Variants in GPC5 observed in about 807,000 individuals in gnomAD.
The protein encoded by GPC5 is glypican-5.
A neutral mutation model predicts 53.9 loss-of-function variants in GPC5; 47 were observed. The observed-to-expected ratio is 0.87, with a 90% confidence interval of 0.69 to 1.11. The LOEUF is 1.11. Among genes scored for constraint, GPC5 ranks in the 50% most tolerant of loss-of-function variants. The pLI, the probability that GPC5 is intolerant of heterozygous loss-of-function variation, is 0.00. For synonymous variants in GPC5, 286 were observed against 263.3 expected, an observed-to-expected ratio of 1.09 and a Z score of -0.84; for missense variants, 748 against 713.1, an observed-to-expected ratio of 1.05 and a Z score of -0.56.
chr13:92,204,445 A>G (rs1480572025), intron 7 of GPC5, among the ~76,000 whole-genome samples: 1 of 152,210 alleles, frequency 6.6e-6, no homozygotes, highest in Non-Finnish European at 1.5e-5. Context: ...CCAAAGTTTG[A>G]TGGTACAGTC....
intron 5 of GPC5, among the ~76,000 whole-genome samples, chr13:91,791,813 T>C (rs1054173988): frequency 6.6e-6 from 1 of 152,176 alleles, no homozygotes; most frequent in African/African-American, 2.4e-5. Flanking sequence ...GATCTGAATA[T>C]GGTTACTCAG....
chr13:92,429,470 C>T (rs561714339), intron 7 of GPC5, among the ~76,000 whole-genome samples: 2 of 151,690 alleles, frequency 1.3e-5, no homozygotes, highest in East Asian at 1.9e-4. Flanking sequence ...TAATATTTCT[C>T]TACATAATAC....
chr13:92,704,627 C>G (rs1207583652), intron 7 of GPC5, among the ~76,000 whole-genome samples: 1 of 151,666 alleles, frequency 6.6e-6, no homozygotes. Context: ...AAATGATGAC[C>G]TATTGGTTAT....
intron 3 of GPC5, among the ~76,000 whole-genome samples, chr13:91,713,378 A>G (rs2036270044): frequency 6.7e-6 from 1 of 148,806 alleles, no homozygotes; most frequent in Non-Finnish European, 1.5e-5. Context: ...TGGCAGGATG[A>G]TGATAGTAAC....
intron 2 of GPC5, among the ~76,000 whole-genome samples, chr13:91,478,569 G>A (rs1883074600): frequency 6.6e-6 from 1 of 150,748 alleles, no homozygotes; most frequent in Admixed American, 6.6e-5. Flanking sequence ...TTTAAATATT[G>A]TTACTGTAAA....
intron 6 of GPC5, among the ~76,000 whole-genome samples, chr13:92,019,460 T>G (rs1220236155): frequency 6.6e-6 from 1 of 152,046 alleles, no homozygotes; most frequent in African/African-American, 2.4e-5. Flanking sequence ...TTACTTCTTT[T>G]TTGCTACATC....
rs77815032 is a variant in GPC5, at chr13:91,446,685, G to C, written c.164-2076G>C. Among the ~76,000 whole-genome samples the C allele has an allele frequency of 2.5e-3, 375 of 152,284 alleles. 3 individuals carry two copies. The highest frequency in any genetic ancestry group is 8.7e-3 in the African/African-American group (362 of 41,568). Reference sequence around the variant, plus strand: ...TTTGTGCTGATACTGTGAACAAAATGTAAGAGATAGCTCTTTCCCTGAGGA... The same window carrying C: ...TTTGTGCTGATACTGTGAACAAAATCTAAGAGATAGCTCTTTCCCTGAGGA... On this transcript the variant is annotated intron_variant, in intron 1 of 7. Transcript: ENST00000377067.
chr13:92,251,084 G>T (rs541062342), intron 7 of GPC5, among the ~76,000 whole-genome samples: 1 of 152,168 alleles, frequency 6.6e-6, no homozygotes, highest in Non-Finnish European at 1.5e-5. Flanking sequence ...AAATACAGCT[G>T]CTACAAAGTA....
chr13:92,285,234 TAAAAG>T (rs1371070049), intron 7 of GPC5, among the ~76,000 whole-genome samples: 1 of 151,950 alleles, frequency 6.6e-6, no homozygotes, highest in Non-Finnish European at 1.5e-5. Context: ...TTCAATGAAA[TAAAAG>T]AAGACACAAA....
intron 7 of GPC5, among the ~76,000 whole-genome samples, chr13:92,228,284 A>G (rs1427998428): frequency 6.6e-6 from 1 of 152,074 alleles, no homozygotes; most frequent in East Asian, 1.9e-4. Flanking sequence ...GTTGAATGAA[A>G]CCAATACTTA....
At chr13:92,459,069 C>T (rs1878384133) in intron 7 of GPC5, among the ~76,000 whole-genome samples, 1 of 152,128 alleles carries the variant, frequency 6.6e-6, no homozygotes, top group African/African-American at 2.4e-5. Context: ...TATAACTATG[C>T]TTTGTTAGTC....
intron 7 of GPC5, among the ~76,000 whole-genome samples, chr13:92,296,436 T>G (rs2043035017): frequency 6.6e-6 from 1 of 152,004 alleles, no homozygotes; most frequent in South Asian, 2.1e-4. Context: ...GCTGCTGCTG[T>G]GGGGGATGGG....
At chr13:92,029,021 T>C (rs983923129) in intron 6 of GPC5, among the ~76,000 whole-genome samples, 1 of 152,208 alleles carries the variant, frequency 6.6e-6, no homozygotes, top group Non-Finnish European at 1.5e-5. Context: ...TTGTGTTTGT[T>C]TGGTTTTATT....
At chr13:92,584,060 T>C (rs371264411) in intron 7 of GPC5, among the ~76,000 whole-genome samples, 16 of 152,326 alleles carry the variant, frequency 1.1e-4, no homozygotes, top group African/African-American at 3.4e-4. Flanking sequence ...GATATGTCTT[T>C]ATCAGCAGCG....
chr13:92,393,959 T>C (rs1382087886), intron 7 of GPC5, among the ~76,000 whole-genome samples: 1 of 152,196 alleles, frequency 6.6e-6, no homozygotes, highest in Non-Finnish European at 1.5e-5. Flanking sequence ...ATGAACTTTG[T>C]TGGTATTCAA....
At chr13:92,827,228 G>A (rs1351635780) in intron 7 of GPC5, among the ~76,000 whole-genome samples, 4 of 152,092 alleles carry the variant, frequency 2.6e-5, no homozygotes, top group Non-Finnish European at 2.9e-5. Context: ...TTCTGCTTCT[G>A]ACCTTCAGAG....
chr13:92,031,752 T>TATATTACATGTTATATATAATATATAA (rs1566403212), intron 6 of GPC5, among the ~76,000 whole-genome samples: 2 of 43,758 alleles, frequency 4.6e-5, no homozygotes, highest in Non-Finnish European at 7.7e-5. Context: ...ATAATATATA[T>TATATTACATGTTATATATAATATATAA]TATATTACAT....
intron 7 of GPC5, among the ~76,000 whole-genome samples, chr13:92,352,641 A>T: frequency 6.6e-6 from 1 of 152,200 alleles, no homozygotes; most frequent in South Asian, 2.1e-4. Flanking sequence ...TCCAATCAAG[A>T]TAGCCCTCTG....
intron 7 of GPC5, among the ~76,000 whole-genome samples, chr13:92,413,481 A>G (rs1240987586): frequency 6.6e-6 from 1 of 152,234 alleles, no homozygotes. Context: ...GATAAAAATC[A>G]AAACTCCATC....
Sources: gnomAD v4.1 joint callset for allele counts (sites outside exome capture counted in the v4.1 genomes callset) on GRCh38, gnomAD v4.1.1 for gene constraint, MANE v1.5 for transcripts, NCBI Gene and HGNC (gene_info 2026-07-23, HGNC 2026-07-21) for gene names.